IFT122: variants seen among roughly 807,000 people sequenced by gnomAD.
IFT122 encodes intraflagellar transport protein 122 homolog.
IFT122 carries 118 observed loss-of-function variants against 161.6 expected under a neutral mutation model. The ratio of observed to expected loss-of-function variants is 0.73; its 90% confidence interval spans 0.63 to 0.85. The LOEUF is 0.85. Ranked by LOEUF, IFT122 falls within the 40% of genes least tolerant of loss-of-function variation. The probability of loss-of-function intolerance (pLI) is 0.00; values close to 1 mark genes in which losing one functional copy is unlikely to be tolerated. For missense variants in IFT122, 1,381 were observed against 1,579.6 expected (o/e 0.87, Z 2.13); for synonymous variants, 550 against 602.4 (o/e 0.91, Z 1.27).
chr3:129,448,715 G>A (rs1187074902), intron 1 of IFT122, among the ~76,000 whole-genome samples: 6 of 150,708 alleles, frequency 4.0e-5, no homozygotes, highest in Non-Finnish European at 8.9e-5. Context: ...TTTTTGAGAC[G>A]GAGTCTTCCT....
chr3:129,500,090 G>T (rs1460549796), intron 19 of IFT122, 22 bp downstream of exon 19: 2 of 1,613,826 alleles, frequency 1.2e-6, no homozygotes, highest in Non-Finnish European at 1.7e-6. Context: ...TCCCTGCCCC[G>T]AGAAGCATTT....
intron 16 of IFT122, among the ~76,000 whole-genome samples, chr3:129,488,814 A>G (rs2079646311): frequency 6.6e-6 from 1 of 151,898 alleles, no homozygotes; most frequent in Admixed American, 6.5e-5. Flanking sequence ...TGCTGCACAC[A>G]ATGCTGCTTT....
chr3:129,490,844 G>A (rs763970596), intron 16 of IFT122, among the ~76,000 whole-genome samples: 2 of 152,166 alleles, frequency 1.3e-5, no homozygotes, highest in Non-Finnish European at 2.9e-5. Context: ...TGTGATGCCC[G>A]CATTGCCCTT....
At position 129,495,623 on chromosome 3, in the gene IFT122, C is replaced by G. The variant is rs766159836; in HGVS notation, c.2208+16C>G. 12 of 1,614,088 alleles carry G rather than the reference C, an allele frequency of 7.4e-6. No homozygotes were observed. The highest frequency in any genetic ancestry group is 1.0e-5 in the Non-Finnish European group (12 of 1,179,966). ...GTATGCCAAGGTAACCTACCCTGTC[C>G]CAGGCCCAAGCTCCAGCTTGGAGCC... On this transcript the variant is annotated intron_variant, in intron 18 of 29. Transcript: ENST00000348417.
In IFT122 at chr3:129,476,739, G is replaced by T. The variant is rs763542859; in HGVS notation, c.1085G>T (p.Arg362Leu). 6.2e-7 allele frequency: 1 copy of T among 1,614,166 alleles called. No individual in the cohort carries two copies. Among genetic ancestry groups the T allele is most frequent in the South Asian group, 1.1e-5 (1 of 91,082 alleles). ...ACAGTCCATGGGCTTTACAAGGACC[G>T]CTATGCCTACAGGGATAGCATGACT... ...FSTVHGLYKD[R>L]YAYRDSMTDV... The change falls in exon 11 of 30, where the codon CGC (arginine) becomes CTC (leucine). Residue 362 changes from arginine to leucine, a missense_variant. By Grantham distance (102) the Arg-to-Leu change is moderately radical (BLOSUM62 -2). Coordinates refer to ENST00000348417, the MANE Select transcript of IFT122 (RefSeq NM_052989.3).
chr3:129,472,269 T>G (rs1414928449), intron 9 of IFT122, among the ~76,000 whole-genome samples: 12 of 152,128 alleles, frequency 7.9e-5, no homozygotes, highest in Non-Finnish European at 4.4e-5. Context: ...TCTTCCCACT[T>G]TGGCCTTCCA....
chr3:129,498,540 T>C (rs546631473), intron 18 of IFT122, among the ~76,000 whole-genome samples: 82 of 152,296 alleles, frequency 5.4e-4, no homozygotes, highest in African/African-American at 1.8e-3. Context: ...CTGTCTTCTA[T>C]TGGGTCCCAG....
intron 7 of IFT122, among the ~76,000 whole-genome samples, chr3:129,465,465 CTTTTTTTTTTTT>C (rs61439083): frequency 9.9e-6 from 1 of 101,246 alleles, no homozygotes; most frequent in South Asian, 3.3e-4. Context: ...ATTATATGCT[CTTTTTTTTTTTT>C]TTTTTTTTTT....
chr3:129,464,852 C>A, intron 7 of IFT122, 71 bp downstream of exon 7: 1 of 1,524,486 alleles, frequency 6.6e-7, no homozygotes, highest in South Asian at 1.1e-5. Flanking sequence ...TTCCTGAGGT[C>A]TCCCTACATT....
intron 2 of IFT122, among the ~76,000 whole-genome samples, chr3:129,451,287 A>G (rs576039379): frequency 6.8e-6 from 1 of 147,748 alleles, no homozygotes; most frequent in Non-Finnish European, 1.5e-5. Context: ...TTTTATTTTT[A>G]TTTATTTTTA....
At chr3:129,514,138 A>G (rs2083174566) in intron 24 of IFT122, 1 of 592,838 alleles carries the variant, frequency 1.7e-6, no homozygotes, top group East Asian at 3.3e-5. Context: ...CAGCAGGCCC[A>G]GAGATGCTAA....
At chr3:129,492,066 T>C in intron 16 of IFT122, 75 bp from the exon 17 acceptor site, 1 of 1,111,424 alleles carries the variant, frequency 9.0e-7, no homozygotes, top group South Asian at 1.2e-5. Flanking sequence ...AGAGCTTGAC[T>C]TCCCACCCCT....
At position 129,481,597 on chromosome 3, in the gene IFT122, G is replaced by A; in HGVS notation, c.1556G>A (p.Cys519Tyr). Residue 519 changes from cysteine to tyrosine, a missense_variant, in exon 14 of 30, where the codon TGC becomes TAC. Transcript: ENST00000348417. ...CTGAAGCAGGCCACAGCTGTGCGCT[G>A]CTTGGACATGAGTGCCTCCCGTAAG... ...VLLKQATAVRCLDMSASRKKL... is the reference protein window; with the variant it reads ...VLLKQATAVRYLDMSASRKKL... The A allele has an allele frequency of 1.9e-6, 3 of 1,589,394 alleles. No homozygotes were observed. Among genetic ancestry groups the A allele is most frequent in the Non-Finnish European group, 1.7e-6 (2 of 1,157,490 alleles).
chr3:129,445,927 C>T (rs2073934345), intron 1 of IFT122, among the ~76,000 whole-genome samples: 1 of 152,056 alleles, frequency 6.6e-6, no homozygotes, highest in Non-Finnish European at 1.5e-5. Context: ...CTGGTATAAA[C>T]CAAAAATAAA....
chr3:129,481,144 C>G (rs1189452510), intron 13 of IFT122, among the ~76,000 whole-genome samples: 1 of 152,172 alleles, frequency 6.6e-6, no homozygotes, highest in African/African-American at 2.4e-5. Flanking sequence ...TAATTTTCTA[C>G]CACATGTCTT....
chr3:129,519,742 C>T lies in IFT122; in HGVS notation c.3636+10C>T. ...CCCCTCCTGCTTCCAGGTAGGTGGC[C>T]ACCCTGGTAGCTCACATGTGCTTCT... On this transcript the variant is annotated intron_variant, in intron 29 of 29. Transcript: ENST00000348417. 6.2e-7 allele frequency: 1 copy of T among 1,613,314 alleles called. No homozygotes were observed. Among genetic ancestry groups the T allele is most frequent in the Non-Finnish European group, 8.5e-7 (1 of 1,180,022 alleles).
At chr3:129,453,118 CG>C (rs1301567936) in intron 3 of IFT122, among the ~76,000 whole-genome samples, 1 of 151,898 alleles carries the variant, frequency 6.6e-6, no homozygotes, top group Non-Finnish European at 1.5e-5. Context: ...TTGATGATGT[CG>C]GAGAGGGGAG....
chr3:129,517,519 G>A lies in IFT122; in HGVS notation c.3316G>A (p.Glu1106Lys), dbSNP rs755389166. Residue 1106 changes from glutamate to lysine, a missense_variant, in exon 27 of 30, where the codon GAA becomes AAA. Around this residue, in one of 7 missense-constraint regions of IFT122, gnomAD observed 177 missense variants for 199.2 expected, o/e 0.89. Coordinates refer to ENST00000348417, the MANE Select transcript of IFT122 (RefSeq NM_052989.3). ...FYLEEGITDE[E>K]AISLIDLEVL... ...CCTGGAGGAAGGGATCACTGATGAAGAAGCCATCTCCCTCATCGACCTGGA... is the reference window on the plus strand; with the variant it reads ...CCTGGAGGAAGGGATCACTGATGAAAAAGCCATCTCCCTCATCGACCTGGA... The A allele has an allele frequency of 6.2e-7, 1 of 1,614,046 alleles. No homozygotes were observed. The highest frequency in any genetic ancestry group is 2.2e-5 in the East Asian group (1 of 44,860).
rs528383242 is a variant in IFT122, at chr3:129,488,341, T to C, written c.1936T>C (p.Trp646Arg). The C allele has an allele frequency of 1.9e-6, 3 of 1,614,184 alleles. No individual in the cohort carries two copies. Among genetic ancestry groups the C allele is most frequent in the East Asian group, 4.5e-5 (2 of 44,886 alleles). The change falls in exon 16 of 30, where the codon TGG becomes CGG. Residue 646 changes from tryptophan to arginine, a missense_variant. Physicochemically the swap from Trp to Arg is moderately radical, Grantham distance 101. This residue lies in a region of IFT122 where 544 missense variants were observed against 648.0 expected (regional missense o/e 0.84). Transcript: ENST00000348417. ...IACLGVTDTD[W>R]RELAMEALEG... ...TTGCTTGGGTGTCACAGACACTGAT[T>C]GGCGTGAACTGGCCATGGAAGCGCT...
Sources: gnomAD v4.1 joint callset for allele counts (sites outside exome capture counted in the v4.1 genomes callset) on GRCh38, gnomAD v4.1.1 for gene constraint, gnomAD v4.1.1 regional missense constraint, MANE v1.5 for transcripts, NCBI Gene and HGNC (gene_info 2026-07-23, HGNC 2026-07-21) for gene names.